ADCY2: variants seen among roughly 807,000 people sequenced by gnomAD.
ADCY2 encodes the protein adenylate cyclase 2, also known as adenylate cyclase type 2.
ADCY2 carries 31 observed loss-of-function variants against 125.2 expected under a neutral mutation model. The observed-to-expected ratio is 0.25, with a 90% CI of 0.19 to 0.33. The LOEUF is 0.33. Among genes scored for constraint, ADCY2 ranks in the 10% least tolerant of loss-of-function variants. The pLI, the probability that ADCY2 is intolerant of heterozygous loss-of-function variation, is 1.00. For missense variants in ADCY2, 904 were observed against 1,418.2 expected (o/e 0.64, Z 5.82); for synonymous variants, 512 against 548.4 (o/e 0.93, Z 0.93).
chr5:7,791,831 T>C (rs1187759908), intron 20 of ADCY2, among the ~76,000 whole-genome samples: 2 of 152,096 alleles, frequency 1.3e-5, no homozygotes, highest in Admixed American at 6.5e-5. Context: ...GATAGGATCC[T>C]GTTATCTCCA....
chr5:7,446,975 C>CCT (rs2126411815), intron 2 of ADCY2, among the ~76,000 whole-genome samples: 1 of 152,188 alleles, frequency 6.6e-6, no homozygotes, highest in African/African-American at 2.4e-5. Context: ...CAGACCCTGC[C>CCT]CTCTCATGTT....
chr5:7,529,343 TTA>T (rs1273711228), intron 3 of ADCY2, among the ~76,000 whole-genome samples: 3 of 152,182 alleles, frequency 2.0e-5, no homozygotes, highest in Admixed American at 6.5e-5. Flanking sequence ...CACAACATTA[TTA>T]TGTTTTCAGG....
intron 3 of ADCY2, among the ~76,000 whole-genome samples, chr5:7,586,979 T>C (rs746486483): frequency 1.4e-4 from 22 of 151,988 alleles, no homozygotes; most frequent in Non-Finnish European, 2.5e-4. Flanking sequence ...CACAGGTATA[T>C]AGATAGATAG....
intron 3 of ADCY2, among the ~76,000 whole-genome samples, chr5:7,579,434 CAG>C (rs148732365): frequency 5.4e-4 from 81 of 149,048 alleles, no homozygotes; most frequent in Non-Finnish European, 4.6e-4. Context: ...TCCACAGAGA[CAG>C]AGAGAGAGAG....
At chr5:7,415,485 C>T (rs1190053969) in intron 2 of ADCY2, among the ~76,000 whole-genome samples, 4 of 152,174 alleles carry the variant, frequency 2.6e-5, no homozygotes, top group African/African-American at 9.6e-5. Context: ...AGTGCCTTGT[C>T]TAGGCTTCCT....
In ADCY2 at chr5:7,828,853, C is replaced by T. The variant is rs16879202; in HGVS notation, c.*1982C>T. The T allele has an allele frequency of 0.55, 83,866 of 152,088 alleles. 23,478 individuals are homozygous for T. The highest frequency in any genetic ancestry group is 0.63 in the Admixed American group (9,567 of 15,276). The allele number at this position is 152,088 out of a possible 1,614,324, so 9.4% of individuals were successfully genotyped here. ...TCTGTTACATCCTGCTACACTCATC[C>T]GCAGGTCACCTTAGTTCACCTACCC... On this transcript the variant is annotated 3_prime_UTR_variant, in exon 25 of 25. Transcript: ENST00000338316.
At chr5:7,607,008 C>A (rs1737399447) in intron 3 of ADCY2, among the ~76,000 whole-genome samples, 1 of 152,144 alleles carries the variant, frequency 6.6e-6, no homozygotes, top group East Asian at 1.9e-4. Context: ...ATGCAGGGCA[C>A]CTGAGCTTGG....
intron 21 of ADCY2, among the ~76,000 whole-genome samples, chr5:7,804,040 AAGAGAGAGAGAGAG>A (rs57193249): frequency 2.8e-4 from 30 of 106,614 alleles, no homozygotes; most frequent in African/African-American, 1.1e-3. Flanking sequence ...GGAGGGGGGA[AAGAGAGAGAGAGAG>A]AGAGAGAGAG....
chr5:7,579,499 A>G (rs1199380714), intron 3 of ADCY2, among the ~76,000 whole-genome samples: 2 of 152,282 alleles, frequency 1.3e-5, no homozygotes, highest in South Asian at 4.1e-4. Context: ...GGCTGTTGAA[A>G]TAAGCATGAT....
At chr5:7,793,696 A>G (rs1171328693) in intron 20 of ADCY2, 2 of 152,204 alleles carry the variant, frequency 1.3e-5, no homozygotes, top group Non-Finnish European at 2.9e-5. Context: ...TTGTTTCTGT[A>G]TTTGTCAAAT....
At chr5:7,597,132 G>C (rs1561117057) in intron 3 of ADCY2, among the ~76,000 whole-genome samples, 1 of 152,210 alleles carries the variant, frequency 6.6e-6, no homozygotes, top group Non-Finnish European at 1.5e-5. Flanking sequence ...TGAAGGGCAA[G>C]GAAACAATAT....
intron 1 of ADCY2, among the ~76,000 whole-genome samples, chr5:7,401,255 T>C (rs938700115): frequency 6.6e-6 from 1 of 152,200 alleles, no homozygotes; most frequent in Non-Finnish European, 1.5e-5. Context: ...TGTGAGGGAA[T>C]ACTGTAGTCA....
chr5:7,613,487 G>T (rs942536726), intron 3 of ADCY2, among the ~76,000 whole-genome samples: 1 of 152,226 alleles, frequency 6.6e-6, no homozygotes, highest in African/African-American at 2.4e-5. Context: ...ATGATTGGCG[G>T]TGGGGGGTGG....
At chr5:7,576,283 G>C (rs928558604) in intron 3 of ADCY2, among the ~76,000 whole-genome samples, 3 of 152,194 alleles carry the variant, frequency 2.0e-5, no homozygotes, top group Non-Finnish European at 2.9e-5. Context: ...ATGACTCCTT[G>C]GGGGAGGGAC....
intron 2 of ADCY2, among the ~76,000 whole-genome samples, chr5:7,468,954 G>A (rs1038495963): frequency 6.6e-6 from 1 of 152,098 alleles, no homozygotes; most frequent in Non-Finnish European, 1.5e-5. Flanking sequence ...TCACTCCACA[G>A]TATTTGATTA....
chr5:7,544,458 C>T (rs1735089725), intron 3 of ADCY2, among the ~76,000 whole-genome samples: 1 of 152,144 alleles, frequency 6.6e-6, no homozygotes, highest in Non-Finnish European at 1.5e-5. Flanking sequence ...TTTCTTCTAC[C>T]CTCACGTCTC....
At chr5:7,818,458 G>A (rs562326937) in intron 23 of ADCY2, among the ~76,000 whole-genome samples, 56 of 151,652 alleles carry the variant, frequency 3.7e-4, no homozygotes, top group African/African-American at 1.2e-3. Context: ...CTGGGTTCAC[G>A]TGATTCTCCT....
intron 3 of ADCY2, among the ~76,000 whole-genome samples, chr5:7,552,965 T>G (rs1416400837): frequency 6.6e-6 from 1 of 152,206 alleles, no homozygotes; most frequent in African/African-American, 2.4e-5. Flanking sequence ...CCTGGGGCTT[T>G]AAACTGGCCA....
chr5:7,777,252 C>T (rs1237944138), intron 18 of ADCY2, among the ~76,000 whole-genome samples: 2 of 152,144 alleles, frequency 1.3e-5, no homozygotes, highest in Non-Finnish European at 2.9e-5. Context: ...GCCTGTTAAC[C>T]CCTTTTCTGT....
Sources: allele counts gnomAD v4.1 joint callset (sites outside exome capture counted in the v4.1 genomes callset), GRCh38; gene constraint gnomAD v4.1.1; transcripts MANE v1.5; gene names NCBI Gene and HGNC (gene_info 2026-07-23, HGNC 2026-07-21).